Variants in NRXN1 observed in about 807,000 individuals in gnomAD.
NRXN1 encodes neurexin-1.
NRXN1 carries 39 observed loss-of-function variants against 150.9 expected under a neutral mutation model. The ratio of observed to expected loss-of-function variants is 0.26; its 90% CI spans 0.20 to 0.34. NRXN1 has a LOEUF of 0.34. Ranked by LOEUF, NRXN1 falls within the 10% of genes least tolerant of loss-of-function variation. The pLI is 1.00. For missense variants in NRXN1, 1,815 were observed against 1,949.9 expected, an observed-to-expected ratio of 0.93 and a Z score of 1.30; for synonymous variants, 924 against 757.0, an observed-to-expected ratio of 1.22 and a Z score of -3.62.
intron 11 of NRXN1, 85 bp downstream of exon 11, chr2:50,531,142 A>T (rs1007780871): frequency 9.1e-7 from 1 of 1,096,808 alleles, no homozygotes; most frequent in South Asian, 1.5e-5. Flanking sequence ...TTTCCATGGC[A>T]AACAGGCTAC....
At chr2:49,965,694 C>T (rs1159835663) in intron 21 of NRXN1, among the ~76,000 whole-genome samples, 1 of 152,148 alleles carries the variant, frequency 6.6e-6, no homozygotes, top group Non-Finnish European at 1.5e-5. Flanking sequence ...CTCAGAGGAT[C>T]TCATTTGGCA....
chr2:50,299,332 C>T (rs546862473), intron 17 of NRXN1, among the ~76,000 whole-genome samples: 1 of 152,022 alleles, frequency 6.6e-6, no homozygotes, highest in South Asian at 2.1e-4. Flanking sequence ...ATCCAGTCCT[C>T]TCCAGCAGAA....
intron 19 of NRXN1, among the ~76,000 whole-genome samples, chr2:50,082,771 T>C (rs1698152505): frequency 6.6e-6 from 1 of 152,092 alleles, no homozygotes; most frequent in Admixed American, 6.6e-5. Context: ...GCACCTATCC[T>C]CCCCACACAG....
At chr2:50,833,818 TC>T (rs1394899308) in intron 5 of NRXN1, among the ~76,000 whole-genome samples, 1 of 152,168 alleles carries the variant, frequency 6.6e-6, no homozygotes, top group Non-Finnish European at 1.5e-5. Context: ...AAAAAAATCT[TC>T]TAAGGAAATG....
intron 17 of NRXN1, among the ~76,000 whole-genome samples, chr2:50,401,263 G>T (rs2082373220): frequency 6.6e-6 from 1 of 152,016 alleles, no homozygotes; most frequent in East Asian, 1.9e-4. Flanking sequence ...CTTAAGATGG[G>T]AAGGCCTGCT....
chr2:50,566,481 ATGACCTCTGGTGATCC>A (rs1558946869), intron 8 of NRXN1, among the ~76,000 whole-genome samples: 1 of 148,986 alleles, frequency 6.7e-6, no homozygotes, highest in Admixed American at 6.7e-5. Context: ...TCTGAAATGC[ATGACCTCTGGTGATCC>A]GCCTGCCTCA....
chr2:50,541,189 T>A (rs148195594), intron 9 of NRXN1, among the ~76,000 whole-genome samples: 11 of 152,228 alleles, frequency 7.2e-5, no homozygotes, highest in Non-Finnish European at 1.3e-4. Flanking sequence ...TAAACATATA[T>A]GTATGTATGT....
intron 21 of NRXN1, among the ~76,000 whole-genome samples, chr2:50,000,717 T>G (rs561144895): frequency 1.3e-5 from 2 of 152,234 alleles, no homozygotes; most frequent in African/African-American, 4.8e-5. Context: ...ATCAATGTGG[T>G]GAAAAGTGTA....
At chr2:50,024,459 G>A (rs902764686) in intron 21 of NRXN1, among the ~76,000 whole-genome samples, 1 of 152,146 alleles carries the variant, frequency 6.6e-6, no homozygotes, top group Non-Finnish European at 1.5e-5. Flanking sequence ...TACAATATAT[G>A]TGCTATCTTA....
In NRXN1 at chr2:50,382,048, T is replaced by C. The variant is rs950864636; in HGVS notation, c.3364+83394A>G. On this transcript the variant is annotated intron_variant, in intron 17 of 22. Transcript: ENST00000401669. ...AAGAGGGATTCTGCAAGGCCCAGAG[T>C]AGAGCAGAGAGAGTTGCTCAATCTC... 4.6e-5 allele frequency among the ~76,000 whole-genome samples: 7 copies of C among 152,114 alleles called. No homozygotes were observed. In the South Asian group the frequency reaches 6.2e-4, roughly 14 times the overall value.
rs2092606567 is a variant in NRXN1, at chr2:50,515,603, GTGTGTGTGT to G, written c.2375-8995_2375-8987del. Among the ~76,000 whole-genome samples the G allele has an allele frequency of 7.7e-5, 4 of 52,008 alleles. No homozygotes were observed. The South Asian group carries it at 2.2e-3, about 28-fold the overall frequency. The allele number at this position is 52,008 out of a possible 152,430, so 34.1% of individuals were successfully genotyped here. ...GAAACATTCATTAAATGCTTGGGGT[GTGTGTGTGT>G]GTGTGTGTGTGTGTGTGTGTGTGTG... On this transcript the variant is annotated intron_variant, in intron 12 of 22. Transcript: ENST00000401669.
In NRXN1 at chr2:50,988,364, G is replaced by A. The variant is rs143266228; in HGVS notation, c.772+39138C>T. On this transcript the variant is annotated intron_variant, in intron 2 of 22. Coordinates refer to ENST00000401669, the MANE Select transcript of NRXN1 (RefSeq NM_001330078.2). ...TACATTTATTTTTTCCCCAAAAAGG[G>A]ACTTGTGATGAAGTGAACAGTATGG... Among the ~76,000 whole-genome samples the A allele has an allele frequency of 8.7e-3, 1,324 of 152,048 alleles. 21 individuals carry two copies. The highest frequency in any genetic ancestry group is 0.03 in the African/African-American group (1,246 of 41,528).
At chr2:50,996,065 G>C (rs1699239280) in intron 2 of NRXN1, among the ~76,000 whole-genome samples, 1 of 152,090 alleles carries the variant, frequency 6.6e-6, no homozygotes, top group African/African-American at 2.4e-5. Context: ...CTTTGATAAT[G>C]AAGAGTGAGC....
At chr2:51,007,704 G>A (rs1392333223) in intron 2 of NRXN1, among the ~76,000 whole-genome samples, 1 of 151,850 alleles carries the variant, frequency 6.6e-6, no homozygotes, top group East Asian at 1.9e-4. Flanking sequence ...TTCTTAAACT[G>A]AGTAAATCCT....
chr2:50,450,592 T>C (rs1180599448), intron 17 of NRXN1, among the ~76,000 whole-genome samples: 1 of 152,202 alleles, frequency 6.6e-6, no homozygotes, highest in Non-Finnish European at 1.5e-5. Flanking sequence ...ATAGTCTCAG[T>C]AAGGTAATTT....
intron 8 of NRXN1, among the ~76,000 whole-genome samples, chr2:50,584,485 C>A (rs570596707): frequency 4.7e-4 from 72 of 152,232 alleles, no homozygotes; most frequent in African/African-American, 8.4e-4. Flanking sequence ...AACCATCTAT[C>A]TTTTTTTATG....
chr2:50,660,266 A>G (rs1248181041), intron 5 of NRXN1, among the ~76,000 whole-genome samples: 1 of 152,032 alleles, frequency 6.6e-6, no homozygotes, highest in East Asian at 1.9e-4. Context: ...TTCATGTAAG[A>G]TAACAGAGGT....
chr2:50,589,714 T>C (rs1213039218), intron 8 of NRXN1, among the ~76,000 whole-genome samples: 1 of 97,958 alleles, frequency 1.0e-5, no homozygotes, highest in Non-Finnish European at 2.3e-5. Context: ...TGGAGTTAAG[T>C]AGGTTTGCAG....
chr2:50,717,002 AGAG>A (rs1695950400), intron 5 of NRXN1, among the ~76,000 whole-genome samples: 1 of 152,166 alleles, frequency 6.6e-6, no homozygotes, highest in Non-Finnish European at 1.5e-5. Context: ...CTCTAAACAA[AGAG>A]TAGTGGAAAA....
Sources: allele counts gnomAD v4.1 joint callset (sites outside exome capture counted in the v4.1 genomes callset), GRCh38; gene constraint gnomAD v4.1.1; transcripts MANE v1.5; gene names NCBI Gene and HGNC (gene_info 2026-07-23, HGNC 2026-07-21).